The following FRMPD4 variants were observed in gnomAD, a reference collection of about 807,000 sequenced individuals.
The protein encoded by FRMPD4 is FERM and PDZ domain-containing protein 4.
In FRMPD4, 22 loss-of-function variants were observed where a neutral mutation model predicts 94.1. The ratio of observed to expected loss-of-function variants is 0.23; its 90% confidence interval spans 0.17 to 0.33. FRMPD4 has a LOEUF of 0.33. Among genes scored for constraint, FRMPD4 ranks in the 10% least tolerant of loss-of-function variants. FRMPD4 has a pLI of 1.00. For missense variants in FRMPD4, 1,111 were observed against 1,339.9 expected (o/e 0.83, Z 2.67); for synonymous variants, 631 against 548.6 (o/e 1.15, Z -2.10).
In FRMPD4 at chrX:12,337,224, C is replaced by A. The variant is rs185348502; in HGVS notation, c.42-161456C>A. 2.4e-3 allele frequency among the ~76,000 whole-genome samples: 274 copies of A among 111,862 alleles called. 1 individual carries two copies. Among genetic ancestry groups the A allele is most frequent in the African/African-American group, 8.6e-3 (266 of 30,833 alleles). ...AAATTAAAGATGATCTTTTCGTAGGCAAGTGTTCATTAAGAGACTTTTCTG... is the reference window on the plus strand; with the variant it reads ...AAATTAAAGATGATCTTTTCGTAGGAAAGTGTTCATTAAGAGACTTTTCTG... On this transcript the variant is annotated intron_variant, in intron 1 of 16. Coordinates refer to ENST00000675598, the MANE Select transcript of FRMPD4 (RefSeq NM_001368397.1).
intron 1 of FRMPD4, among the ~76,000 whole-genome samples, chrX:12,169,235 G>T (rs975500244): frequency 5.4e-5 from 6 of 111,725 alleles, no homozygotes; most frequent in Non-Finnish European, 1.1e-4. Context: ...AAAGGAAAGG[G>T]GTAGTGGGAA....
At chrX:12,425,441 G>A (rs1256815165) in intron 1 of FRMPD4, among the ~76,000 whole-genome samples, 1 of 111,863 alleles carries the variant, frequency 8.9e-6, no homozygotes, top group Non-Finnish European at 1.9e-5. Flanking sequence ...CACTATTGAG[G>A]GAATCTGCAA....
intron 1 of FRMPD4, among the ~76,000 whole-genome samples, chrX:12,497,087 G>T (rs2057858620): frequency 9.0e-6 from 1 of 111,344 alleles, no homozygotes; most frequent in African/African-American, 3.3e-5. Flanking sequence ...AAAGGAAAAG[G>T]AAAGGAAAGG....
intron 2 of FRMPD4, among the ~76,000 whole-genome samples, chrX:12,556,912 A>G (rs1196361292): frequency 1.8e-5 from 2 of 111,920 alleles, no homozygotes; most frequent in Non-Finnish European, 3.8e-5. Flanking sequence ...TGGCGTGATC[A>G]TGGCTCCCTG....
intron 3 of FRMPD4, among the ~76,000 whole-genome samples, chrX:12,085,678 C>G (rs1426099807): frequency 9.0e-6 from 1 of 111,517 alleles, no homozygotes; most frequent in Non-Finnish European, 1.9e-5. Context: ...TCAAGACCAG[C>G]CTGGGCAACA....
intron 1 of FRMPD4, among the ~76,000 whole-genome samples, chrX:12,159,938 T>C (rs902983787): frequency 1.3e-4 from 14 of 111,555 alleles, no homozygotes; most frequent in African/African-American, 4.2e-4. Context: ...GTGGAAAGAT[T>C]TGCAGCTTGT....
chrX:12,480,142 A>T (rs1336815372), intron 1 of FRMPD4, among the ~76,000 whole-genome samples: 1 of 110,199 alleles, frequency 9.1e-6, no homozygotes, highest in Non-Finnish European at 1.9e-5. Flanking sequence ...AGAAAATGAG[A>T]ACAATTATAT....
intron 1 of FRMPD4, among the ~76,000 whole-genome samples, chrX:12,392,692 A>G (rs1032790642): frequency 6.9e-5 from 4 of 57,892 alleles, no homozygotes; most frequent in African/African-American, 2.9e-4. Flanking sequence ...AATGGCTACC[A>G]TCTTTGACAG....
chrX:12,270,599 A>G (rs1460723411), intron 1 of FRMPD4, among the ~76,000 whole-genome samples: 1 of 112,173 alleles, frequency 8.9e-6, no homozygotes, highest in African/African-American at 3.2e-5. Context: ...ATAGATATAT[A>G]CATATATGTG....
At chrX:12,006,853 A>T (rs2054556712) in intron 3 of FRMPD4, among the ~76,000 whole-genome samples, 1 of 111,974 alleles carries the variant, frequency 8.9e-6, no homozygotes, top group Non-Finnish European at 1.9e-5. Flanking sequence ...CCATCATTGT[A>T]AAGCAGCCAA....
chrX:12,245,899 A>C (rs2053950695), intron 1 of FRMPD4, among the ~76,000 whole-genome samples: 1 of 110,182 alleles, frequency 9.1e-6, no homozygotes, highest in African/African-American at 3.3e-5. Flanking sequence ...TAGCCTCTAA[A>C]ACTGTAAAAA....
chrX:12,657,501 G>T (rs953988168), intron 4 of FRMPD4, among the ~76,000 whole-genome samples: 5 of 111,215 alleles, frequency 4.5e-5, no homozygotes, highest in Non-Finnish European at 7.6e-5. Flanking sequence ...TAGTTTTGGG[G>T]TTTTTTTTAA....
At chrX:12,420,188 T>G (rs12010947) in intron 1 of FRMPD4, among the ~76,000 whole-genome samples, 10,177 of 111,474 alleles carry the variant, frequency 0.091, 539 homozygotes, top group African/African-American at 0.2. Context: ...GAAACCATTC[T>G]TGACTCTTTC....
chrX:12,064,132 A>G (rs1422135646), intron 3 of FRMPD4, among the ~76,000 whole-genome samples: 2 of 112,583 alleles, frequency 1.8e-5, no homozygotes. Flanking sequence ...AGGAAGTTGC[A>G]TCTTTGAAAG....
intron 3 of FRMPD4, among the ~76,000 whole-genome samples, chrX:11,950,017 CA>C (rs1379031840): frequency 8.9e-6 from 1 of 111,950 alleles, no homozygotes; most frequent in South Asian, 3.7e-4. Flanking sequence ...TTTCTCCACC[CA>C]AATCTCACCC....
In FRMPD4 at chrX:12,042,527, G is replaced by T. The variant is rs2054761703; in HGVS notation, c.95+164509G>T. On this transcript the variant is annotated intron_variant, in intron 3 of 18. Coordinates refer to the FRMPD4 transcript ENST00000640291. Reference sequence around the variant, plus strand: ...TAGCTTAGCACTCAGGCAATAATTGGGTAGAGGTTTTGCTTAGACACTTCA... The same window carrying T: ...TAGCTTAGCACTCAGGCAATAATTGTGTAGAGGTTTTGCTTAGACACTTCA... Among the ~76,000 whole-genome samples, 11 of 111,043 alleles carry T rather than the reference G, an allele frequency of 9.9e-5. No individual in the cohort carries two copies. In the Admixed American group the frequency reaches 1.1e-3, roughly 11 times the overall value.
Position 12,417,377 on chromosome X carries a change from T to TAG in FRMPD4, c.42-81301_42-81300dup, listed in dbSNP as rs922732442. ...GTGGATCACCTGCGGTCAGGAGTTC[T>TAG]AGACCAGCCTGGCCAACATGGTGAA... On this transcript the variant is annotated intron_variant, in intron 1 of 16. Coordinates refer to ENST00000675598, the MANE Select transcript of FRMPD4 (RefSeq NM_001368397.1). Among the ~76,000 whole-genome samples, 136 of 109,076 alleles carry TAG rather than the reference T, an allele frequency of 1.2e-3. 1 individual carries two copies. The highest frequency in any genetic ancestry group is 4.1e-3 in the African/African-American group (124 of 29,986). 94.7% of individuals were successfully genotyped at this position (109,076 alleles called of 115,157 possible). A position where few individuals can be genotyped will look rare whatever the true frequency, so the allele number is the denominator to read the frequency against.
chrX:12,004,945 C>T (rs1324366882), intron 3 of FRMPD4, among the ~76,000 whole-genome samples: 2 of 111,396 alleles, frequency 1.8e-5, no homozygotes, highest in Non-Finnish European at 3.8e-5. Context: ...TAGAATAGAC[C>T]ATCAGTGATT....
chrX:12,316,087 C>T (rs937501445), intron 1 of FRMPD4, among the ~76,000 whole-genome samples: 2 of 112,013 alleles, frequency 1.8e-5, no homozygotes, highest in African/African-American at 6.5e-5. Flanking sequence ...CAAATGATAC[C>T]TCTCAGGTGT....
Sources: allele counts gnomAD v4.1 joint callset (sites outside exome capture counted in the v4.1 genomes callset), GRCh38; gene constraint gnomAD v4.1.1; transcripts MANE v1.5; gene names NCBI Gene and HGNC (gene_info 2026-07-23, HGNC 2026-07-21).